WDR70: variants seen among roughly 807,000 people sequenced by gnomAD.
WDR70 encodes WD repeat-containing protein 70.
Under a neutral mutation model 88.6 loss-of-function variants are expected in WDR70, and 53 were observed. The ratio of observed to expected loss-of-function variants is 0.60; its 90% CI spans 0.48 to 0.75. WDR70 has a LOEUF of 0.75. Among genes scored for constraint, WDR70 ranks in the 30% least tolerant of loss-of-function variants. WDR70 has a pLI of 0.00. For missense variants in WDR70, 610 were observed against 823.2 expected (o/e 0.74, Z 3.17); for synonymous variants, 280 against 270.0 (o/e 1.04, Z -0.36).
intron 13 of WDR70, among the ~76,000 whole-genome samples, chr5:37,720,129 G>C (rs184887218): frequency 1.3e-5 from 2 of 152,148 alleles, no homozygotes; most frequent in Non-Finnish European, 1.5e-5. Flanking sequence ...TTTAGGAGAC[G>C]TAGTCATGAT....
rs1191963538 is a variant in WDR70 at position 37,753,434 on chromosome 5, A to G, written c.*861A>G. ...GAAGACATTAAAAATTATTCTAAAA[A>G]ATCATTGTGCTTTAGTGACTAAAAA... On this transcript the variant is annotated 3_prime_UTR_variant, in exon 18 of 18. Coordinates refer to ENST00000265107, the MANE Select transcript of WDR70 (RefSeq NM_018034.4). 6.6e-6 allele frequency: 1 copy of G among 152,182 alleles called. No individual in the cohort carries two copies. 9.4% of individuals were successfully genotyped at this position (152,182 alleles called of 1,614,324 possible).
intron 9 of WDR70, among the ~76,000 whole-genome samples, chr5:37,545,821 G>C (rs987519409): frequency 6.6e-6 from 1 of 152,136 alleles, no homozygotes; most frequent in Non-Finnish European, 1.5e-5. Flanking sequence ...ACGACGCCCA[G>C]CCAAGGGTGC....
At chr5:37,522,661 G>A (rs192452781) in intron 9 of WDR70, among the ~76,000 whole-genome samples, 4 of 152,218 alleles carry the variant, frequency 2.6e-5, no homozygotes, top group East Asian at 3.9e-4. Flanking sequence ...CCCACTGAAC[G>A]TGAGCCAAAG....
At chr5:37,403,050 C>T (rs1749250894) in intron 5 of WDR70, among the ~76,000 whole-genome samples, 1 of 146,522 alleles carries the variant, frequency 6.8e-6, no homozygotes, top group Non-Finnish European at 1.5e-5. Flanking sequence ...GGCCTCAAGC[C>T]ATTCTCGTGC....
chr5:37,697,731 G>A lies in WDR70; in HGVS notation c.1169G>A (p.Gly390Asp). The change falls in exon 11 of 18, where the codon GGT becomes GAT. Residue 390 changes from glycine (G) to aspartate (D), a missense_variant. Gly to Asp is a moderately conservative substitution (Grantham distance 94). Transcript: ENST00000265107. The stretch of plus-strand genomic sequence containing the variant: ...TCTTGCGTGACTTTTTCCTATGATG[G>A]TAATGTCCTTGCCTCTCGTGGAGGT... ...DTSCVTFSYDGNVLASRGGDD... is the reference protein window; with the variant it reads ...DTSCVTFSYDDNVLASRGGDD... The A allele has an allele frequency of 1.2e-6, 2 of 1,613,652 alleles. No individual in the cohort carries two copies. The highest frequency in any genetic ancestry group is 1.7e-6 in the Non-Finnish European group (2 of 1,179,670).
intron 8 of WDR70, chr5:37,505,940 T>G: frequency 6.7e-7 from 1 of 1,492,076 alleles, no homozygotes; most frequent in Non-Finnish European, 9.3e-7. Context: ...GATTAGCACC[T>G]TCTAAATTGG....
At chr5:37,478,803 G>A (rs1370314853) in intron 7 of WDR70, among the ~76,000 whole-genome samples, 5 of 152,186 alleles carry the variant, frequency 3.3e-5, no homozygotes, top group Non-Finnish European at 7.3e-5. Flanking sequence ...TCAGTTATTA[G>A]CCATCAGTAG....
intron 10 of WDR70, among the ~76,000 whole-genome samples, chr5:37,660,720 C>G (rs1357683311): frequency 6.6e-6 from 1 of 152,084 alleles, no homozygotes; most frequent in Admixed American, 6.6e-5. Flanking sequence ...TTGACTCTTG[C>G]TTTTTAAAAT....
At chr5:37,527,822 A>G (rs1298032306) in intron 9 of WDR70, among the ~76,000 whole-genome samples, 1 of 152,228 alleles carries the variant, frequency 6.6e-6, no homozygotes, top group Non-Finnish European at 1.5e-5. Context: ...GGCAAAGGAT[A>G]TGAACAGACA....
chr5:37,604,798 A>C (rs1250790780), intron 9 of WDR70, among the ~76,000 whole-genome samples: 1 of 152,234 alleles, frequency 6.6e-6, no homozygotes, highest in African/African-American at 2.4e-5. Flanking sequence ...GACAGAATTA[A>C]TAACGTTGAT....
intron 7 of WDR70, among the ~76,000 whole-genome samples, chr5:37,444,997 A>G (rs1738412208): frequency 6.6e-6 from 1 of 152,016 alleles, no homozygotes; most frequent in South Asian, 2.1e-4. Context: ...CACCCTCCCA[A>G]CGCCTGCCGT....
chr5:37,558,513 A>T, intron 9 of WDR70, among the ~76,000 whole-genome samples: 1 of 151,152 alleles, frequency 6.6e-6, no homozygotes, highest in African/African-American at 2.4e-5. Flanking sequence ...TTTTTTAGAG[A>T]TAGGGTTTTG....
At chr5:37,456,013 G>T (rs1352488931) in intron 7 of WDR70, among the ~76,000 whole-genome samples, 1 of 146,358 alleles carries the variant, frequency 6.8e-6, no homozygotes, top group Non-Finnish European at 1.5e-5. Flanking sequence ...TAGACATTTG[G>T]CTTATTTCCA....
In WDR70 at chr5:37,743,169, C is replaced by T. The variant is rs1049034269; in HGVS notation, c.1878-9317C>T. Among the ~76,000 whole-genome samples the T allele has an allele frequency of 5.3e-5, 8 of 152,314 alleles. No homozygotes were observed. The South Asian group carries it at 1.0e-3, about 20-fold the overall frequency. On this transcript the variant is annotated intron_variant, in intron 17 of 17. Coordinates refer to ENST00000265107, the MANE Select transcript of WDR70 (RefSeq NM_018034.4). Reference sequence around the variant, plus strand: ...GTCCCACAGAAGGAAGGGCATGTGGCGCAGCAACCCACTTGAGAGCCACAC... The same window carrying T: ...GTCCCACAGAAGGAAGGGCATGTGGTGCAGCAACCCACTTGAGAGCCACAC...
intron 10 of WDR70, among the ~76,000 whole-genome samples, chr5:37,655,061 G>T (rs1189530200): frequency 6.6e-6 from 1 of 152,150 alleles, no homozygotes; most frequent in Non-Finnish European, 1.5e-5. Context: ...TTACAATTTG[G>T]TATGTTTTTG....
At chr5:37,710,906 C>T (rs1747491969) in intron 13 of WDR70, among the ~76,000 whole-genome samples, 1 of 151,892 alleles carries the variant, frequency 6.6e-6, no homozygotes, top group Non-Finnish European at 1.5e-5. Context: ...CCCAAATCCA[C>T]CTACTACTGT....
intron 9 of WDR70, among the ~76,000 whole-genome samples, chr5:37,592,371 T>G (rs1174269783): frequency 1.3e-5 from 2 of 152,212 alleles, no homozygotes; most frequent in Non-Finnish European, 2.9e-5. Flanking sequence ...TTCCTGAATC[T>G]CAATTTATAT....
At chr5:37,681,274 G>A (rs1025925507) in intron 10 of WDR70, among the ~76,000 whole-genome samples, 1 of 152,028 alleles carries the variant, frequency 6.6e-6, no homozygotes, top group African/African-American at 2.4e-5. Context: ...TTGTATGTTG[G>A]TTTTGTATCC....
chr5:37,658,653 A>G (rs1188515036), intron 10 of WDR70, among the ~76,000 whole-genome samples: 1 of 152,078 alleles, frequency 6.6e-6, no homozygotes, highest in Non-Finnish European at 1.5e-5. Context: ...CCTGTACTCC[A>G]TTGTGAGGTC....
Sources: gnomAD v4.1 joint callset for allele counts (sites outside exome capture counted in the v4.1 genomes callset) on GRCh38, gnomAD v4.1.1 for gene constraint, MANE v1.5 for transcripts, NCBI Gene and HGNC (gene_info 2026-07-23, HGNC 2026-07-21) for gene names.